NRXN3: variants seen among roughly 807,000 people sequenced by gnomAD.
NRXN3 encodes neurexin 3, also known as neurexin III.
NRXN3 carries 32 observed loss-of-function variants against 137.6 expected under a neutral mutation model. The ratio of observed to expected loss-of-function variants is 0.23; its 90% confidence interval spans 0.18 to 0.31. The LOEUF is 0.31. Ranked by LOEUF, NRXN3 falls within the 10% of genes least tolerant of loss-of-function variation. The pLI, the probability that NRXN3 is intolerant of heterozygous loss-of-function variation, is 1.00. For synonymous variants in NRXN3, 798 were observed against 784.5 expected (o/e 1.02, Z -0.29); for missense variants, 1,574 against 2,062.5 (o/e 0.76, Z 4.59).
At chr14:78,594,420 A>C (rs554609171) in intron 4 of NRXN3, among the ~76,000 whole-genome samples, 17 of 152,258 alleles carry the variant, frequency 1.1e-4, no homozygotes, top group Admixed American at 8.5e-4. Context: ...TCTGTTCTTC[A>C]ATGGGGATCT....
intron 4 of NRXN3, among the ~76,000 whole-genome samples, chr14:78,579,608 T>C (rs1163265246): frequency 2.0e-5 from 3 of 151,816 alleles, no homozygotes; most frequent in Non-Finnish European, 2.9e-5. Flanking sequence ...GGAGAAAAAT[T>C]GCAGTGAGGC....
intron 19 of NRXN3, among the ~76,000 whole-genome samples, chr14:79,779,458 C>A (rs1603484790): frequency 6.6e-6 from 1 of 152,072 alleles, no homozygotes; most frequent in African/African-American, 2.4e-5. Flanking sequence ...TAAATAAATT[C>A]ATCCTTATTT....
At chr14:78,992,024 T>C (rs577903670) in intron 15 of NRXN3, among the ~76,000 whole-genome samples, 10 of 152,310 alleles carry the variant, frequency 6.6e-5, no homozygotes, top group Admixed American at 5.9e-4. Flanking sequence ...GATTGTCTTG[T>C]ATAAGAGTGA....
At chr14:78,474,766 T>A (rs960691043) in intron 4 of NRXN3, among the ~76,000 whole-genome samples, 4 of 152,184 alleles carry the variant, frequency 2.6e-5, no homozygotes, top group African/African-American at 9.7e-5. Flanking sequence ...TGCTGACCAA[T>A]AGCAACAGTT....
intron 4 of NRXN3, among the ~76,000 whole-genome samples, chr14:78,525,917 C>T (rs147202209): frequency 4.6e-5 from 7 of 152,258 alleles, no homozygotes; most frequent in Non-Finnish European, 1.0e-4. Context: ...TTTGACCTCT[C>T]TTCTGGTTCT....
At chr14:78,818,002 C>G (rs1254731415) in intron 10 of NRXN3, among the ~76,000 whole-genome samples, 1 of 152,066 alleles carries the variant, frequency 6.6e-6, no homozygotes, top group Non-Finnish European at 1.5e-5. Context: ...ATCTGAACAT[C>G]TTAAAATAGG....
rs1421457230 is a variant in NRXN3, at chr14:78,876,567, G to T, written c.2275+66223G>T. On this transcript the variant is annotated intron_variant, in intron 10 of 20. Transcript: ENST00000335750. ...ATTTAGACCCAGCAATACCACTAAT[G>T]ACTCACATGCCAGGTAACATTTCTT... 2.6e-5 allele frequency among the ~76,000 whole-genome samples: 4 copies of T among 152,282 alleles called. No homozygotes were observed. The East Asian group carries it at 7.7e-4, about 29-fold the overall frequency.
At chr14:79,739,179 A>C (rs1035000411) in intron 19 of NRXN3, among the ~76,000 whole-genome samples, 1 of 152,204 alleles carries the variant, frequency 6.6e-6, no homozygotes, top group Non-Finnish European at 1.5e-5. Flanking sequence ...GGGTGTTTCA[A>C]GGGTATGTTC....
intron 16 of NRXN3, among the ~76,000 whole-genome samples, chr14:79,521,082 A>T (rs944621977): frequency 6.6e-6 from 1 of 152,198 alleles, no homozygotes; most frequent in Non-Finnish European, 1.5e-5. Context: ...TGTTCATAGC[A>T]CAAAGTTGGT....
chr14:78,674,176 G>C (rs564400361), intron 6 of NRXN3, among the ~76,000 whole-genome samples: 7 of 152,280 alleles, frequency 4.6e-5, no homozygotes, highest in South Asian at 4.1e-4. Context: ...GGGCTTTTGT[G>C]TGTCTCTCAG....
At chr14:79,054,443 A>G (rs1448403566) in intron 15 of NRXN3, among the ~76,000 whole-genome samples, 1 of 152,162 alleles carries the variant, frequency 6.6e-6, no homozygotes, top group African/African-American at 2.4e-5. Flanking sequence ...CTCCTACCCC[A>G]TGCATTTACA....
Position 78,448,343 on chromosome 14 carries a change from A to G in NRXN3, c.757+150483A>G, listed in dbSNP as rs150471895. ...AATATTACACAGCACTCATGGCCTT[A>G]GGCTTTTGTAAAAATACAAGCGTTG... On this transcript the variant is annotated intron_variant, in intron 4 of 20. Transcript: ENST00000335750. Among the ~76,000 whole-genome samples the G allele has an allele frequency of 8.5e-5, 13 of 152,362 alleles. No individual in the cohort carries two copies. In the East Asian group the frequency reaches 2.5e-3, roughly 29 times the overall value.
intron 10 of NRXN3, among the ~76,000 whole-genome samples, chr14:78,831,534 C>CAAAAAA (rs372852083): frequency 1.1e-3 from 64 of 58,188 alleles, no homozygotes; most frequent in East Asian, 5.5e-3. Flanking sequence ...GACTCCATGT[C>CAAAAAA]AAAAAAAAAA....
intron 17 of NRXN3, among the ~76,000 whole-genome samples, chr14:79,681,887 A>G (rs2098672416): frequency 6.6e-6 from 1 of 151,940 alleles, no homozygotes. Context: ...TCACTAAGGG[A>G]TTGTCCTTTC....
chr14:78,547,819 T>C (rs1040892636), intron 4 of NRXN3, among the ~76,000 whole-genome samples: 3 of 152,098 alleles, frequency 2.0e-5, no homozygotes, highest in Non-Finnish European at 4.4e-5. Flanking sequence ...ATTTTATATA[T>C]AAATCAGTAG....
chr14:78,774,588 A>T (rs567473521), intron 8 of NRXN3, among the ~76,000 whole-genome samples: 5 of 152,312 alleles, frequency 3.3e-5, no homozygotes, highest in African/African-American at 1.2e-4. Context: ...GGATACTATT[A>T]TCTCCACTTT....
At chr14:79,533,360 T>G (rs1201427853) in intron 16 of NRXN3, among the ~76,000 whole-genome samples, 2 of 152,106 alleles carry the variant, frequency 1.3e-5, no homozygotes, top group East Asian at 3.9e-4. Context: ...TATTTTTGTT[T>G]CATTCAGTGC....
chr14:78,362,303 A>ATTT (rs71131642), intron 4 of NRXN3, among the ~76,000 whole-genome samples: 1 of 109,446 alleles, frequency 9.1e-6, no homozygotes, highest in African/African-American at 3.6e-5. Context: ...TTTGAAACAC[A>ATTT]TTTTTTTTTT....
intron 1 of NRXN3, among the ~76,000 whole-genome samples, chr14:78,191,688 A>G (rs1316201563): frequency 2.0e-5 from 3 of 152,126 alleles, no homozygotes; most frequent in Non-Finnish European, 4.4e-5. Context: ...GGAGGTGGGA[A>G]TGTGGGAGTG....
Sources: allele counts gnomAD v4.1 joint callset (sites outside exome capture counted in the v4.1 genomes callset), GRCh38; gene constraint gnomAD v4.1.1; transcripts MANE v1.5; gene names NCBI Gene and HGNC (gene_info 2026-07-23, HGNC 2026-07-21).